The following HIPK3 variants were observed in gnomAD, a reference collection of about 807,000 sequenced individuals.
HIPK3 encodes homeodomain-interacting protein kinase 3.
In HIPK3, 47 loss-of-function variants were observed where a neutral mutation model predicts 124.2. The ratio of observed to expected loss-of-function variants is 0.38; its 90% confidence interval spans 0.30 to 0.48. HIPK3 has a LOEUF of 0.48. HIPK3 is among the 20% of genes least tolerant of loss of function. The pLI is 0.98. For synonymous variants in HIPK3, 482 were observed against 515.2 expected (o/e 0.94, Z 0.87); for missense variants, 1,286 against 1,454.3 (o/e 0.88, Z 1.88).
intron 2 of HIPK3, among the ~76,000 whole-genome samples, chr11:33,315,122 T>C (rs935942072): frequency 7.9e-5 from 12 of 152,172 alleles, no homozygotes; most frequent in African/African-American, 2.9e-4. Context: ...GTTACTGACA[T>C]GTTTTGTCTT....
intron 1 of HIPK3, among the ~76,000 whole-genome samples, chr11:33,275,242 A>G (rs1851241253): frequency 6.6e-6 from 1 of 151,876 alleles, no homozygotes; most frequent in African/African-American, 2.4e-5. Context: ...GTTTCAACAT[A>G]CTGGTCAGGT....
upstream of HIPK3, chr11:33,257,228 G>C (rs1850687154): frequency 1.0e-6 from 1 of 984,052 alleles, no homozygotes; most frequent in South Asian, 4.7e-5. Flanking sequence ...CTGGCGGGCG[G>C]ACCCCGGGGA....
chr11:33,291,798 C>T (rs1348077553), intron 2 of HIPK3, among the ~76,000 whole-genome samples: 1 of 152,066 alleles, frequency 6.6e-6, no homozygotes, highest in Non-Finnish European at 1.5e-5. Context: ...AACACAGAGA[C>T]AGGAAAGTGG....
chr11:33,348,964 C>A, intron 13 of HIPK3, 146 bp downstream of exon 13: 1 of 920,450 alleles, frequency 1.1e-6, no homozygotes, highest in South Asian at 1.8e-5. Flanking sequence ...AGACAGGGAA[C>A]TTTCTAAATA....
intron 2 of HIPK3, among the ~76,000 whole-genome samples, chr11:33,300,021 C>CA (rs58435948): frequency 0.017 from 1,654 of 95,002 alleles, 26 homozygotes; most frequent in African/African-American, 0.057. Context: ...GACCCTGTCT[C>CA]AAAAAAAAAA....
At chr11:33,333,530 T>C (rs1054560738) in intron 3 of HIPK3, among the ~76,000 whole-genome samples, 1 of 152,204 alleles carries the variant, frequency 6.6e-6, no homozygotes, top group African/African-American at 2.4e-5. Flanking sequence ...TAGAATTATG[T>C]GTCAGATTCC....
At chr11:33,346,827 T>C (rs1853507577) in intron 8 of HIPK3, among the ~76,000 whole-genome samples, 1 of 152,206 alleles carries the variant, frequency 6.6e-6, no homozygotes, top group Non-Finnish European at 1.5e-5. Flanking sequence ...AGACAAGAAG[T>C]ACCTCATTTT....
chr11:33,311,658 G>T (rs1213611161), intron 2 of HIPK3, among the ~76,000 whole-genome samples: 1 of 152,070 alleles, frequency 6.6e-6, no homozygotes, highest in Non-Finnish European at 1.5e-5. Context: ...CTCCATTGAT[G>T]CATTGCTATC....
At chr11:33,321,344 A>G (rs1030145777) in intron 2 of HIPK3, among the ~76,000 whole-genome samples, 5 of 152,182 alleles carry the variant, frequency 3.3e-5, no homozygotes, top group African/African-American at 1.2e-4. Context: ...TGCTTTCAAG[A>G]AGGATTGGTG....
intron 8 of HIPK3, among the ~76,000 whole-genome samples, chr11:33,345,777 G>A (rs1853474102): frequency 6.6e-6 from 1 of 152,064 alleles, no homozygotes; most frequent in Non-Finnish European, 1.5e-5. Context: ...GGCTCTTTAG[G>A]TGGAGCACAG....
intron 3 of HIPK3, among the ~76,000 whole-genome samples, chr11:33,332,051 G>A (rs1853003791): frequency 2.0e-5 from 3 of 152,072 alleles, no homozygotes; most frequent in African/African-American, 7.2e-5. Flanking sequence ...GAGCCACCGC[G>A]CCTGGCCAAA....
chr11:33,304,776 C>G (rs1296747607), intron 2 of HIPK3, among the ~76,000 whole-genome samples: 1 of 152,156 alleles, frequency 6.6e-6, no homozygotes, highest in Non-Finnish European at 1.5e-5. Flanking sequence ...TACTTGTAGG[C>G]ACATTTTCAT....
At chr11:33,264,752 T>C (rs1036312252) in intron 1 of HIPK3, among the ~76,000 whole-genome samples, 1 of 152,204 alleles carries the variant, frequency 6.6e-6, no homozygotes, top group Non-Finnish European at 1.5e-5. Flanking sequence ...TTTATAAGCA[T>C]ACAAAATATT....
intron 2 of HIPK3, among the ~76,000 whole-genome samples, chr11:33,294,417 C>T (rs1851785833): frequency 1.3e-5 from 2 of 152,074 alleles, no homozygotes; most frequent in Non-Finnish European, 2.9e-5. Context: ...CCCACACACC[C>T]ACCCTCACCT....
chr11:33,285,897 G>C (rs181008055), intron 1 of HIPK3, among the ~76,000 whole-genome samples: 3 of 151,908 alleles, frequency 2.0e-5, no homozygotes, highest in South Asian at 2.1e-4. Flanking sequence ...TCAGCCTCCC[G>C]AGTAGCTGGG....
chr11:33,343,281 G>GTGTGTT (rs1554968553), intron 8 of HIPK3, among the ~76,000 whole-genome samples: 1 of 150,390 alleles, frequency 6.6e-6, no homozygotes, highest in Admixed American at 6.6e-5. Context: ...GTGTGTGTGT[G>GTGTGTT]TGTGTGTGTC....
chr11:33,341,030 A>G lies in HIPK3; in HGVS notation c.1676A>G (p.Asn559Ser). 2.5e-6 allele frequency: 4 copies of G among 1,609,444 alleles called. No individual in the cohort carries two copies. Among genetic ancestry groups the G allele is most frequent in the Non-Finnish European group, 3.4e-6 (4 of 1,176,056 alleles). Residue 559 changes from asparagine to serine, a missense_variant, in exon 7 of 17, where the codon AAT (asparagine) becomes AGT (serine). Physicochemically the swap from Asn to Ser is conservative, Grantham distance 46. Coordinates refer to ENST00000303296, the MANE Select transcript of HIPK3 (RefSeq NM_005734.5). ...TCCCACCTAAATTCATGTGACACAA[A>G]TAATCACAACAAAACTTCACTTTTA... ...CKSHLNSCDTNNHNKTSLLRP... is the reference protein window; with the variant it reads ...CKSHLNSCDTSNHNKTSLLRP...
At chr11:33,351,916 G>C (rs1044052758) in intron 15 of HIPK3, 73 bp downstream of exon 15, 2 of 1,263,346 alleles carry the variant, frequency 1.6e-6, no homozygotes, top group African/African-American at 3.0e-5. Context: ...TGAGAATGCA[G>C]TTGCCAAAGT....
At chr11:33,338,990 C>T in intron 5 of HIPK3, 147 bp downstream of exon 5, 1 of 530,236 alleles carries the variant, frequency 1.9e-6, no homozygotes, top group Non-Finnish European at 3.3e-6. Context: ...ATTCTATTTT[C>T]AACCTTTCAG....
Sources: gnomAD v4.1 joint callset for allele counts (sites outside exome capture counted in the v4.1 genomes callset) on GRCh38, gnomAD v4.1.1 for gene constraint, MANE v1.5 for transcripts, NCBI Gene and HGNC (gene_info 2026-07-23, HGNC 2026-07-21) for gene names.